The following PRKCI variants were observed in gnomAD, a reference collection of about 807,000 sequenced individuals.
PRKCI encodes protein kinase C iota, also known as protein kinase C iota type.
A neutral mutation model predicts 84.0 loss-of-function variants in PRKCI; 43 were observed. The ratio of observed to expected loss-of-function variants is 0.51; its 90% CI spans 0.40 to 0.66. The LOEUF (loss-of-function observed/expected upper bound fraction) is 0.66. Ranked by LOEUF, PRKCI falls within the 30% of genes least tolerant of loss-of-function variation. The pLI is 0.00. For synonymous variants in PRKCI, 216 were observed against 234.4 expected (o/e 0.92, Z 0.72); for missense variants, 459 against 745.6 (o/e 0.62, Z 4.48).
chr3:170,282,880 G>C (rs1234042072), intron 11 of PRKCI, among the ~76,000 whole-genome samples: 1 of 151,876 alleles, frequency 6.6e-6, no homozygotes, highest in African/African-American at 2.4e-5. Flanking sequence ...GCCGAGGCGG[G>C]TGGATCATGA....
rs574246348 is a variant in PRKCI at position 170,290,125 on chromosome 3, T to G, written c.1204-1729T>G. ...TTTGTGCTGCCCCTCTTTTTTGGTT[T>G]AGAATTTTGTACCGTATAATCTATA... is the stretch of plus-strand genomic sequence containing the variant. On this transcript the variant is annotated intron_variant, in intron 12 of 17. Transcript: ENST00000295797. Among the ~76,000 whole-genome samples the G allele has an allele frequency of 2.0e-5, 3 of 152,300 alleles. No homozygotes were observed. In the East Asian group the frequency reaches 5.8e-4, roughly 29 times the overall value.
At chr3:170,262,166 T>A (rs28570475) in intron 3 of PRKCI, among the ~76,000 whole-genome samples, 12,329 of 152,232 alleles carry the variant, frequency 0.081, 1,193 homozygotes, top group African/African-American at 0.23. Flanking sequence ...GTTATAAAAA[T>A]GGTTTTAATT....
chr3:170,286,724 A>G (rs548366017), intron 12 of PRKCI, among the ~76,000 whole-genome samples: 1 of 151,824 alleles, frequency 6.6e-6, no homozygotes, highest in South Asian at 2.1e-4. Context: ...ATGAGGAGAG[A>G]TTTCTGACCA....
rs768340835 is a variant in PRKCI, at chr3:170,263,391, T to C, written c.326T>C (p.Val109Ala). Residue 109 changes from valine to alanine, a missense_variant, in exon 4 of 18, where the codon GTA becomes GCA. This residue lies in a region of PRKCI where 250 missense variants were observed against 319.7 expected (regional missense o/e 0.78). Coordinates refer to ENST00000295797, the MANE Select transcript of PRKCI (RefSeq NM_002740.6). ...SELLIHVFPC[V>A]PERPGMPCPG... ...TATTTTCTTTCAGTGTTCCCTTGTG[T>C]ACCAGAACGTCCTGGGATGCCTTGT... The C allele has an allele frequency of 5.6e-6, 9 of 1,602,870 alleles. No homozygotes were observed. Among genetic ancestry groups the C allele is most frequent in the Non-Finnish European group, 7.7e-6 (9 of 1,169,844 alleles).
At chr3:170,290,276 C>G (rs1190405427) in intron 12 of PRKCI, among the ~76,000 whole-genome samples, 1 of 151,906 alleles carries the variant, frequency 6.6e-6, no homozygotes, top group Non-Finnish European at 1.5e-5. Flanking sequence ...ATGTATGATT[C>G]AGTTGTCTTT....
chr3:170,290,616 T>C (rs1390499224), intron 12 of PRKCI, among the ~76,000 whole-genome samples: 1 of 152,188 alleles, frequency 6.6e-6, no homozygotes, highest in Non-Finnish European at 1.5e-5. Flanking sequence ...TCTATCATTT[T>C]CTAATATAGA....
At chr3:170,223,242 A>G (rs886399258) in intron 1 of PRKCI, among the ~76,000 whole-genome samples, 1 of 152,120 alleles carries the variant, frequency 6.6e-6, no homozygotes, top group Non-Finnish European at 1.5e-5. Flanking sequence ...GTTCTCTGAG[A>G]TATACCTCCA....
chr3:170,269,563 T>C (rs1292508491), intron 5 of PRKCI, among the ~76,000 whole-genome samples: 3 of 152,152 alleles, frequency 2.0e-5, no homozygotes, highest in Non-Finnish European at 4.4e-5. Context: ...CTCAGGAAGC[T>C]TGAGCCCAGG....
intron 2 of PRKCI, among the ~76,000 whole-genome samples, chr3:170,259,630 GA>G (rs1232489118): frequency 1.3e-5 from 2 of 152,082 alleles, no homozygotes; most frequent in Non-Finnish European, 2.9e-5. Flanking sequence ...ACAACATGGT[GA>G]AACCCTGTCT....
At chr3:170,231,262 A>G (rs1227458846) in intron 1 of PRKCI, among the ~76,000 whole-genome samples, 3 of 151,694 alleles carry the variant, frequency 2.0e-5, no homozygotes, top group African/African-American at 7.3e-5. Context: ...TGCCCGGCCT[A>G]TTCCTATATA....
chr3:170,270,576 C>CTTT lies in PRKCI; in HGVS notation c.591+33_591+35dup, dbSNP rs75266191. 0.012 allele frequency: 16,446 copies of CTTT among 1,346,790 alleles called. 186 individuals are homozygous for CTTT. The highest frequency in any genetic ancestry group is 0.081 in the African/African-American group (4,682 of 57,976). The allele number at this position is 1,346,790 out of a possible 1,614,324, so 83.4% of individuals were successfully genotyped here. On this transcript the variant is annotated intron_variant, in intron 6 of 17. Coordinates refer to ENST00000295797, the MANE Select transcript of PRKCI (RefSeq NM_002740.6). The stretch of plus-strand genomic sequence containing the variant: ...CTTTGCCACAGGTAAGATGTCTGTC[C>CTTT]TTTTTTTTTTTTTTTTTTTTAAGAG...
chr3:170,303,686 A>G lies in PRKCI; in HGVS notation c.*559A>G, dbSNP rs1734879759. The G allele has an allele frequency of 4.5e-6, 1 of 219,788 alleles. No homozygotes were observed. The highest frequency in any genetic ancestry group is 5.8e-5 in the Admixed American group (1 of 17,268). 13.6% of individuals were successfully genotyped at this position (219,788 alleles called of 1,614,324 possible). A position where few individuals can be genotyped will look rare whatever the true frequency, so the allele number is the denominator to read the frequency against. ...GCAGTTATTAAATTGGTAATAGAAG[A>G]TGCTGCTTGCTTAGAATTGGGAAAT... On this transcript the variant is annotated 3_prime_UTR_variant, in exon 18 of 18. Transcript: ENST00000295797.
intron 7 of PRKCI, 90 bp from the exon 8 acceptor site, chr3:170,275,139 A>G (rs930409853): frequency 7.2e-7 from 1 of 1,390,474 alleles, no homozygotes. Context: ...ATCAGGAGAC[A>G]ATTTTTATTT....
chr3:170,247,776 C>T lies in PRKCI; in HGVS notation c.224-12193C>T, dbSNP rs188605032. On this transcript the variant is annotated intron_variant, in intron 2 of 17. Transcript: ENST00000295797. ...AAAAAAAAAAGTTGAGGATGAGCGG[C>T]TTCATGGGATGGCATGTATTTCTGT... is the stretch of plus-strand genomic sequence containing the variant. Among the ~76,000 whole-genome samples, 98 of 144,874 alleles carry T rather than the reference C, an allele frequency of 6.8e-4. 1 individual carries two copies. The highest frequency in any genetic ancestry group is 3.4e-3 in the South Asian group (15 of 4,462).
chr3:170,300,378 G>C (rs577977226), intron 17 of PRKCI, among the ~76,000 whole-genome samples: 1 of 152,112 alleles, frequency 6.6e-6, no homozygotes, highest in Non-Finnish European at 1.5e-5. Context: ...TACAAGGGGT[G>C]TCCCTGCTAT....
intron 2 of PRKCI, among the ~76,000 whole-genome samples, chr3:170,237,848 TCTC>T (rs1197759625): frequency 6.6e-6 from 1 of 152,192 alleles, no homozygotes; most frequent in Non-Finnish European, 1.5e-5. Flanking sequence ...CTTTTTTCTC[TCTC>T]CTCCCTCACC....
intron 2 of PRKCI, among the ~76,000 whole-genome samples, chr3:170,253,247 T>C (rs760715066): frequency 2.6e-5 from 4 of 152,182 alleles, no homozygotes; most frequent in Non-Finnish European, 4.4e-5. Context: ...TGTGTTTAGT[T>C]TTCTGAGAAA....
In PRKCI at chr3:170,268,004, A is replaced by G; in HGVS notation, c.450+4A>G. On this transcript the variant is annotated splice_donor_region_variant and intron_variant, in intron 5 of 17. Transcript: ENST00000295797. ...CCAAGCCAAGCGTTTCAACAGGGTA[A>G]ACATAGTTTGTTGAATGTCGATAAT... is the stretch of plus-strand genomic sequence containing the variant. The G allele has an allele frequency of 6.2e-7, 1 of 1,604,502 alleles. No homozygotes were observed. The highest frequency in any genetic ancestry group is 8.5e-7 in the Non-Finnish European group (1 of 1,173,760).
chr3:170,222,777 G>T lies in PRKCI; in HGVS notation c.101+7G>T, dbSNP rs1732522615. On this transcript the variant is annotated splice_region_variant and intron_variant, in intron 1 of 17. Coordinates refer to ENST00000295797, the MANE Select transcript of PRKCI (RefSeq NM_002740.6). ...TGAAAGCCTACTACCGCGGGTGAGT[G>T]TCCTGGGACAGGGCGGTGGGCGGGA... 1.2e-6 allele frequency: 2 copies of T among 1,605,758 alleles called. No homozygotes were observed. Among genetic ancestry groups the T allele is most frequent in the African/African-American group, 2.7e-5 (2 of 74,594 alleles).
Sources: allele counts gnomAD v4.1 joint callset (sites outside exome capture counted in the v4.1 genomes callset), GRCh38; gene constraint gnomAD v4.1.1; regional missense constraint gnomAD v4.1.1; transcripts MANE v1.5; gene names NCBI Gene and HGNC (gene_info 2026-07-23, HGNC 2026-07-21).